UBR3: variants seen among roughly 807,000 people sequenced by gnomAD.
The protein encoded by UBR3 is ubiquitin protein ligase E3 component n-recognin 3, also known as E3 ubiquitin-protein ligase UBR3.
In UBR3, 85 loss-of-function variants were observed where a neutral mutation model predicts 243.2. The ratio of observed to expected loss-of-function variants is 0.35; its 90% CI spans 0.29 to 0.42. The LOEUF (loss-of-function observed/expected upper bound fraction) is 0.42, where lower values mean the gene tolerates loss of function less well. UBR3 is among the 10% of genes least tolerant of loss of function. UBR3 has a pLI of 1.00. For missense variants in UBR3, 1,686 were observed against 2,300.8 expected, an observed-to-expected ratio of 0.73 and a Z score of 5.47; for synonymous variants, 748 against 799.8, an observed-to-expected ratio of 0.94 and a Z score of 1.09.
chr2:170,080,849 C>T (rs141573862), intron 38 of UBR3, among the ~76,000 whole-genome samples, 165 bp downstream of exon 38: 28 of 152,208 alleles, frequency 1.8e-4, no homozygotes, highest in African/African-American at 6.3e-4. Flanking sequence ...CCTATCAATA[C>T]GTTGAGGAAA....
chr2:170,001,912 CAAAAAAAAAAAAAAAAAAA>C (rs71006062), intron 27 of UBR3, among the ~76,000 whole-genome samples: 2 of 67,498 alleles, frequency 3.0e-5, no homozygotes, highest in East Asian at 4.0e-4. Context: ...GACTCCATCT[CAAAAAAAAAAAAAAAAAAA>C]AAAAAAAAAA....
chr2:169,845,555 C>T (rs563789685), intron 1 of UBR3, among the ~76,000 whole-genome samples: 29 of 138,240 alleles, frequency 2.1e-4, no homozygotes, highest in African/African-American at 7.4e-4. Flanking sequence ...CTTCTTCTTT[C>T]TTCTTCTTCT....
intron 35 of UBR3, among the ~76,000 whole-genome samples, chr2:170,065,959 C>T (rs750829751): frequency 1.4e-5 from 2 of 147,810 alleles, no homozygotes; most frequent in East Asian, 2.0e-4. Context: ...AATGCTTCTA[C>T]GTATCCCGTG....
chr2:169,871,415 GAA>G (rs76600459), intron 1 of UBR3, among the ~76,000 whole-genome samples: 5 of 125,092 alleles, frequency 4.0e-5, no homozygotes, highest in Admixed American at 1.6e-4. Context: ...GTCTTTAAGG[GAA>G]AAAAAAAAAA....
In UBR3 at chr2:169,986,745, C is replaced by T; in HGVS notation, c.3735C>T (p.Ser1245=). The change falls in exon 25 of 39, where the codon TCC becomes TCT. Residue 1245 remains serine (S), a synonymous_variant. Coordinates refer to ENST00000272793, the MANE Select transcript of UBR3 (RefSeq NM_172070.4). ...TTATTTGTGGACAGAGTGGCCCCTC[C>T]TCTGAAGATCGACCTACTGGATTAG... ...DCVICGQSGP[S]SEDRPTGLVV... 1 of 1,614,062 alleles carries T rather than the reference C, an allele frequency of 6.2e-7. No homozygotes were observed. The highest frequency in any genetic ancestry group is 8.5e-7 in the Non-Finnish European group (1 of 1,179,992).
At position 170,061,082 on chromosome 2, in the gene UBR3, A is replaced by G; in HGVS notation, c.4789A>G (p.Thr1597Ala). ...WKHAGALKKS[T>A]CDAEKSYEVL... ...ACCAATATTTTAATTTTTTCAGAGT[A>G]CATGTGATGCAGAAAAGTCTTACGA... The change falls in exon 34 of 39, where the codon ACA (threonine) becomes GCA (alanine). Residue 1597 changes from threonine to alanine, a missense_variant. Physicochemically the swap from Thr to Ala is moderately conservative, Grantham distance 58. This residue lies in a region of UBR3 where 371 missense variants were observed against 422.5 expected (regional missense o/e 0.88). Transcript: ENST00000272793. 6.4e-7 allele frequency: 1 copy of G among 1,561,866 alleles called. No individual in the cohort carries two copies. The highest frequency in any genetic ancestry group is 8.6e-7 in the Non-Finnish European group (1 of 1,161,660).
rs189620111 is a variant in UBR3 at position 170,015,468 on chromosome 2, A to G, written c.4453+102A>G. On this transcript the variant is annotated intron_variant, in intron 30 of 38. Coordinates refer to ENST00000272793, the MANE Select transcript of UBR3 (RefSeq NM_172070.4). ...GTATATTTCAAATTTTGTCTGTTAT[A>G]TATGATCTATTTAGATAGTGATATA... 26 of 796,240 alleles carry G rather than the reference A, an allele frequency of 3.3e-5. No homozygotes were observed. In the East Asian group the frequency reaches 6.9e-4, roughly 21 times the overall value. 49.3% of individuals were successfully genotyped at this position (796,240 alleles called of 1,614,324 possible).
intron 11 of UBR3, among the ~76,000 whole-genome samples, chr2:169,919,066 G>T (rs1314111180): frequency 6.6e-6 from 1 of 152,152 alleles, no homozygotes; most frequent in African/African-American, 2.4e-5. Context: ...TAATCCAGTG[G>T]GAGAAGGGAT....
intron 5 of UBR3, among the ~76,000 whole-genome samples, chr2:169,884,927 GAT>G (rs2105319830): frequency 6.6e-6 from 1 of 152,280 alleles, no homozygotes; most frequent in South Asian, 2.1e-4. Context: ...GAAGGGATAA[GAT>G]AGATGGAAAG....
Position 170,040,894 on chromosome 2 carries a change from A to C in UBR3, c.4569A>C (p.Glu1523Asp), listed in dbSNP as rs1443677610. Residue 1523 changes from glutamate to aspartate, a missense_variant, in exon 32 of 39, where the codon GAA (glutamate) becomes GAC (aspartate). Physicochemically the swap from Glu to Asp is conservative, Grantham distance 45. Transcript: ENST00000272793. Reference protein sequence around the residue: ...LEEMNPQLGYEEQQPEVPILY... With the variant: ...LEEMNPQLGYDEQQPEVPILY... ...ATTTTTCTTTTAGGCTGGGATATGA[A>C]GAACAACAGCCTGAGGTTCCAATTC... is the stretch of plus-strand genomic sequence containing the variant. 1 of 1,613,146 alleles carries C rather than the reference A, an allele frequency of 6.2e-7. No homozygotes were observed. Among genetic ancestry groups the C allele is most frequent in the African/African-American group, 1.3e-5 (1 of 74,900 alleles).
intron 38 of UBR3, among the ~76,000 whole-genome samples, chr2:170,081,145 C>T (rs773148086): frequency 6.6e-6 from 1 of 152,108 alleles, no homozygotes; most frequent in African/African-American, 2.4e-5. Context: ...GAGCTGTGAT[C>T]GTGCCACTGC....
intron 25 of UBR3, among the ~76,000 whole-genome samples, chr2:169,988,094 A>C (rs2089106989): frequency 6.6e-6 from 1 of 152,206 alleles, no homozygotes; most frequent in Non-Finnish European, 1.5e-5. Flanking sequence ...GCTTACTGAA[A>C]GGGAAATGTG....
intron 1 of UBR3, among the ~76,000 whole-genome samples, chr2:169,829,719 C>T (rs1418015189): frequency 1.3e-5 from 2 of 152,024 alleles, no homozygotes; most frequent in Non-Finnish European, 1.5e-5. Context: ...CCACCGCGCC[C>T]GGCCAACATT....
In UBR3 at chr2:169,941,771, C is replaced by T. The variant is rs185202562; in HGVS notation, c.2664-722C>T. ...TACTGGGGGCTTTGGAACGTGTTCC[C>T]TGAAGATAAGAGGGGACTACTGTAT... On this transcript the variant is annotated intron_variant, in intron 19 of 38. Transcript: ENST00000272793. Among the ~76,000 whole-genome samples the T allele has an allele frequency of 5.3e-5, 8 of 152,286 alleles. No homozygotes were observed. In the East Asian group the frequency reaches 1.3e-3, roughly 26 times the overall value.
chr2:169,836,033 CTCTCTCTCTCTATATATA>C lies in UBR3; in HGVS notation c.545+7983_545+8000del, dbSNP rs1394207688. Among the ~76,000 whole-genome samples, 137 of 20,238 alleles carry C rather than the reference CTCTCTCTCTCTATATATA, an allele frequency of 6.8e-3. 3 individuals carry two copies. The highest frequency in any genetic ancestry group is 0.01 in the East Asian group (9 of 864). 13.3% of individuals were successfully genotyped at this position (20,238 alleles called of 152,430 possible). ...TCTCTCTCTCTCTCTCTCTCTCTCT[CTCTCTCTCTCTATATATA>C]TATATATATATATATATTTTTTTTT... On this transcript the variant is annotated intron_variant, in intron 1 of 38. Coordinates refer to ENST00000272793, the MANE Select transcript of UBR3 (RefSeq NM_172070.4).
intron 24 of UBR3, among the ~76,000 whole-genome samples, chr2:169,981,493 C>T (rs930243180): frequency 6.6e-6 from 1 of 152,110 alleles, no homozygotes; most frequent in African/African-American, 2.4e-5. Flanking sequence ...GATACTACTC[C>T]TCAAAACTGT....
intron 1 of UBR3, among the ~76,000 whole-genome samples, chr2:169,862,128 G>C (rs539245587): frequency 5.0e-4 from 76 of 151,926 alleles, no homozygotes; most frequent in Non-Finnish European, 8.4e-4. Flanking sequence ...TAGTTTAATA[G>C]ATTTTCAACA....
rs532825591 is a variant in UBR3 at position 170,078,578 on chromosome 2, T to G, written c.5200-1236T>G. 2.3e-4 allele frequency among the ~76,000 whole-genome samples: 35 copies of G among 152,360 alleles called. 1 individual carries two copies. In the South Asian group the frequency reaches 7.2e-3, roughly 32 times the overall value. On this transcript the variant is annotated intron_variant, in intron 36 of 38. Transcript: ENST00000272793. The stretch of plus-strand genomic sequence containing the variant: ...GCCATCTAAAAGTTTGTAAATTTCA[T>G]GAATTTCATAATTTTTGTGGCACTG...
At chr2:170,066,040 G>A (rs1482444148) in intron 35 of UBR3, among the ~76,000 whole-genome samples, 1 of 150,882 alleles carries the variant, frequency 6.6e-6, no homozygotes, top group African/African-American at 2.4e-5. Flanking sequence ...TCGCTAAAAT[G>A]TAGAAACTTA....
Sources: gnomAD v4.1 joint callset for allele counts (sites outside exome capture counted in the v4.1 genomes callset) on GRCh38, gnomAD v4.1.1 for gene constraint, gnomAD v4.1.1 regional missense constraint, MANE v1.5 for transcripts, NCBI Gene and HGNC (gene_info 2026-07-23, HGNC 2026-07-21) for gene names.